Variants in PMFBP1 observed in about 807,000 individuals in gnomAD.
PMFBP1 encodes polyamine-modulated factor 1-binding protein 1.
A neutral mutation model predicts 137.8 loss-of-function variants in PMFBP1; 131 were observed. That is an observed-to-expected ratio of 0.95 (90% confidence interval 0.82 to 1.10). The LOEUF (loss-of-function observed/expected upper bound fraction) is 1.10. Among genes scored for constraint, PMFBP1 ranks in the 50% least tolerant of loss-of-function variants. The pLI is 0.00. For missense variants in PMFBP1, 1,199 were observed against 1,175.4 expected (o/e 1.02, Z -0.29); for synonymous variants, 490 against 450.4 (o/e 1.09, Z -1.11).
At chr16:72,182,862 T>C in the PMFBP1 span, among the ~76,000 whole-genome samples, 2 of 152,140 alleles carry the variant, frequency 1.3e-5, no homozygotes, top group Non-Finnish European at 2.9e-5. Context: ...TCTGCCTCTC[T>C]CCCCTCCGCT....
the PMFBP1 span, among the ~76,000 whole-genome samples, chr16:72,198,333 A>T: frequency 6.6e-6 from 1 of 152,214 alleles, no homozygotes. Flanking sequence ...TGCCAGTGCT[A>T]AGGAACAAAA....
At chr16:72,204,190 A>ATTT in the PMFBP1 span, among the ~76,000 whole-genome samples, 24 of 140,210 alleles carry the variant, frequency 1.7e-4, no homozygotes, top group Admixed American at 2.9e-4. Context: ...ACTCATGCGC[A>ATTT]TTTTTTTTTT....
At chr16:72,220,657 A>T in the PMFBP1 span, among the ~76,000 whole-genome samples, 2 of 152,156 alleles carry the variant, frequency 1.3e-5, no homozygotes, top group Admixed American at 6.5e-5. Flanking sequence ...CTTAGTGGAG[A>T]CAGGAGGTAT....
At chr16:72,137,769 G>T (rs1031952969) in intron 7 of PMFBP1, among the ~76,000 whole-genome samples, 1 of 152,170 alleles carries the variant, frequency 6.6e-6, no homozygotes, top group Non-Finnish European at 1.5e-5. Flanking sequence ...ATGTGGCTGG[G>T]GAGGAGCAAT....
chr16:72,151,617 A>T (rs1339550378), intron 4 of PMFBP1, among the ~76,000 whole-genome samples: 1 of 152,222 alleles, frequency 6.6e-6, no homozygotes, highest in East Asian at 1.9e-4. Flanking sequence ...TAGAATGCTG[A>T]TAGAACATGT....
At chr16:72,177,338 A>G (rs2043262511), upstream of PMFBP1, among the ~76,000 whole-genome samples, 1 of 152,216 alleles carries the variant, frequency 6.6e-6, no homozygotes, top group Non-Finnish European at 1.5e-5. Context: ...TGAACATAAA[A>G]TAACAGAGCT....
chr16:72,158,900 C>T (rs895499350), intron 3 of PMFBP1, among the ~76,000 whole-genome samples: 13 of 152,106 alleles, frequency 8.5e-5, no homozygotes, highest in Non-Finnish European at 1.3e-4. Flanking sequence ...GAGGCTGAGG[C>T]GAGAGAATCA....
rs754624887 is a variant in PMFBP1 at position 72,161,455 on chromosome 16, G to A, written c.165+3309C>T. ...GCATGTCTTGTACTTCCTTGTACTAGCAGAGCATAGAACTGTAAGTTTAAG... is the reference window on the plus strand; with the variant it reads ...GCATGTCTTGTACTTCCTTGTACTAACAGAGCATAGAACTGTAAGTTTAAG... On this transcript the variant is annotated intron_variant, in intron 3 of 20. Coordinates refer to ENST00000237353, the MANE Select transcript of PMFBP1 (RefSeq NM_031293.3). Among the ~76,000 whole-genome samples, 20 of 152,188 alleles carry A rather than the reference G, an allele frequency of 1.3e-4. 1 individual carries two copies. The highest frequency in any genetic ancestry group is 8.3e-4 in the South Asian group (4 of 4,820).
the PMFBP1 span, among the ~76,000 whole-genome samples, chr16:72,194,510 A>G: frequency 2.3e-3 from 349 of 152,300 alleles, 1 homozygote; most frequent in Non-Finnish European, 4.2e-3. Context: ...CCTTGCCTGT[A>G]GTGCTATCTG....
At chr16:72,201,130 C>T in the PMFBP1 span, among the ~76,000 whole-genome samples, 1 of 152,186 alleles carries the variant, frequency 6.6e-6, no homozygotes, top group Non-Finnish European at 1.5e-5. Flanking sequence ...TGTGACCACA[C>T]CATTGCTTTC....
At chr16:72,208,611 T>C in the PMFBP1 span, among the ~76,000 whole-genome samples, 1 of 152,356 alleles carries the variant, frequency 6.6e-6, no homozygotes, top group Admixed American at 6.5e-5. Context: ...AATAATCCAG[T>C]TCATAATCTA....
At chr16:72,155,263 A>C (rs1166968495) in intron 3 of PMFBP1, among the ~76,000 whole-genome samples, 1 of 152,150 alleles carries the variant, frequency 6.6e-6, no homozygotes, top group Non-Finnish European at 1.5e-5. Flanking sequence ...CGTGAGGTTA[A>C]GGTGGATAAA....
chr16:72,233,437 A>G, the PMFBP1 span, among the ~76,000 whole-genome samples: 4 of 152,316 alleles, frequency 2.6e-5, no homozygotes, highest in Admixed American at 6.5e-5. Context: ...TCCTCTGAAC[A>G]AATATGCAAC....
rs1221790119 is a variant in PMFBP1, at chr16:72,139,289, C to A, written c.918G>T (p.Lys306Asn). 6.2e-6 allele frequency: 10 copies of A among 1,611,468 alleles called. No homozygotes were observed. In the African/African-American group the frequency reaches 6.7e-5, roughly 11 times the overall value. Residue 306 changes from lysine (K) to asparagine (N), a missense_variant and splice_region_variant, in exon 7 of 21, where the codon AAG becomes AAT. By Grantham distance (94) the Lys-to-Asn change is moderately conservative. Transcript: ENST00000237353. ...GCACAGATCAGCAAATTTCTCCCACCTTTTTGATGTCTTCACACTCTTCTG... is the reference window on the plus strand; with the variant it reads ...GCACAGATCAGCAAATTTCTCCCACATTTTTGATGTCTTCACACTCTTCTG... ...SSSEECEDIKKILKHLQEQKD... is the reference protein window; with the variant it reads ...SSSEECEDIKNILKHLQEQKD...
chr16:72,223,815 A>G, the PMFBP1 span, among the ~76,000 whole-genome samples: 1 of 152,196 alleles, frequency 6.6e-6, no homozygotes, highest in East Asian at 1.9e-4. Context: ...CTTTACTGAA[A>G]GGAATATAAT....
the PMFBP1 span, among the ~76,000 whole-genome samples, chr16:72,214,931 A>G: frequency 6.6e-6 from 1 of 152,210 alleles, no homozygotes. Flanking sequence ...GAAAGGCCCA[A>G]TATACATTGA....
intron 9 of PMFBP1, among the ~76,000 whole-genome samples, chr16:72,135,251 A>C (rs2042606409): frequency 6.6e-6 from 1 of 151,700 alleles, no homozygotes; most frequent in Non-Finnish European, 1.5e-5. Flanking sequence ...ATCTTGGCTC[A>C]TTGCAACCTC....
At chr16:72,196,449 G>C in the PMFBP1 span, among the ~76,000 whole-genome samples, 3 of 152,142 alleles carry the variant, frequency 2.0e-5, no homozygotes, top group Non-Finnish European at 4.4e-5. Context: ...GACATGTGCA[G>C]TTAGCAATCA....
the PMFBP1 span, among the ~76,000 whole-genome samples, chr16:72,239,277 T>C: frequency 2.6e-5 from 4 of 152,210 alleles, no homozygotes; most frequent in Non-Finnish European, 4.4e-5. Flanking sequence ...AGGAAGACTA[T>C]GAAAGGCCAT....
Sources: gnomAD v4.1 joint callset for allele counts (sites outside exome capture counted in the v4.1 genomes callset) on GRCh38, gnomAD v4.1.1 for gene constraint, MANE v1.5 for transcripts, NCBI Gene and HGNC (gene_info 2026-07-23, HGNC 2026-07-21) for gene names.